COL4A1: variants seen among roughly 807,000 people sequenced by gnomAD.
The protein encoded by COL4A1 is collagen alpha-1(IV) chain.
COL4A1 carries 40 observed loss-of-function variants against 216.6 expected under a neutral mutation model. The ratio of observed to expected loss-of-function variants is 0.18; its 90% CI spans 0.14 to 0.24. COL4A1 has a LOEUF of 0.24. Ranked by LOEUF, COL4A1 falls within the 10% of genes least tolerant of loss-of-function variation. The probability of loss-of-function intolerance (pLI) is 1.00; values close to 1 mark genes in which losing one functional copy is unlikely to be tolerated. For missense variants in COL4A1, 1,628 were observed against 2,196.8 expected (o/e 0.74, Z 5.18); for synonymous variants, 839 against 810.7 (o/e 1.03, Z -0.59).
intron 21 of COL4A1, among the ~76,000 whole-genome samples, chr13:110,195,575 T>C (rs914641045): frequency 6.6e-6 from 1 of 152,230 alleles, no homozygotes; most frequent in Admixed American, 6.5e-5. Flanking sequence ...CTAATCATTA[T>C]TTTAGAGCTG....
rs1330190087 is a variant in COL4A1, at chr13:110,183,078, T to C, written c.2010A>G (p.Gly670=). Residue 670 remains glycine (G), a synonymous_variant, in exon 28 of 52, where the codon GGA becomes GGG. Transcript: ENST00000375820. ...CTGGCAGGCCTGGCCTTCCTGGGGT[T>C]CCGGGAAAGCCTCGGTCTCCTGTGG... is the stretch of plus-strand genomic sequence containing the variant. ...PGPQGDRGFP[G]TPGRPGLPGE... 2 of 1,612,992 alleles carry C rather than the reference T, an allele frequency of 1.2e-6. No individual in the cohort carries two copies. The highest frequency in any genetic ancestry group is 1.7e-6 in the Non-Finnish European group (2 of 1,179,734).
At chr13:110,206,489 G>A (rs768834788) in intron 15 of COL4A1, among the ~76,000 whole-genome samples, 176 bp downstream of exon 15, 4 of 152,224 alleles carry the variant, frequency 2.6e-5, no homozygotes, top group Non-Finnish European at 5.9e-5. Context: ...TCGCCTGCCT[G>A]GGAAGCCTTG....
intron 1 of COL4A1, among the ~76,000 whole-genome samples, chr13:110,301,343 T>TG (rs1274565606): frequency 6.6e-6 from 1 of 152,194 alleles, no homozygotes; most frequent in Admixed American, 6.5e-5. Context: ...CCAAACATGG[T>TG]GGGATGCTTT....
At chr13:110,182,969 C>T in intron 28 of COL4A1, 24 bp downstream of exon 28, 1 of 1,601,262 alleles carries the variant, frequency 6.2e-7, no homozygotes. Context: ...GGACCAAAGG[C>T]TCGGGTCCGT....
At chr13:110,189,661 G>A (rs945880066) in intron 24 of COL4A1, among the ~76,000 whole-genome samples, 5 of 152,224 alleles carry the variant, frequency 3.3e-5, no homozygotes, top group African/African-American at 1.2e-4. Context: ...TTATTTACTT[G>A]AAAGGTGTTT....
intron 1 of COL4A1, among the ~76,000 whole-genome samples, chr13:110,279,453 T>A (rs898977098): frequency 1.3e-5 from 2 of 152,188 alleles, no homozygotes; most frequent in African/African-American, 4.8e-5. Flanking sequence ...AGGAAGATTG[T>A]AAGCTCCTTG....
intron 1 of COL4A1, among the ~76,000 whole-genome samples, chr13:110,261,977 G>A (rs114073985): frequency 0.015 from 2,259 of 152,280 alleles, 50 homozygotes; most frequent in African/African-American, 0.052. Context: ...CTGTGACCGG[G>A]CGGGAAGCTG....
Position 110,249,230 on chromosome 13 carries a change from A to G in COL4A1, c.85-6496T>C, listed in dbSNP as rs531340967. 2.6e-5 allele frequency among the ~76,000 whole-genome samples: 4 copies of G among 152,240 alleles called. No individual in the cohort carries two copies. In the South Asian group the frequency reaches 6.2e-4, roughly 24 times the overall value. ...ACAAGGGAGGTTTCTGGGGTGCAGG[A>G]AACATTCTTTGCTTGTTGCGGGCGG... On this transcript the variant is annotated intron_variant, in intron 1 of 51. Coordinates refer to ENST00000375820, the MANE Select transcript of COL4A1 (RefSeq NM_001845.6).
rs551493583 is a variant in COL4A1 at position 110,162,072 on chromosome 13, T to C, written c.4462+158A>G. The C allele has an allele frequency of 1.3e-4, 95 of 751,588 alleles. 2 individuals are homozygous for C. The highest frequency in any genetic ancestry group is 1.3e-3 in the Admixed American group (69 of 55,076). 46.6% of individuals were successfully genotyped at this position (751,588 alleles called of 1,614,324 possible). A position where few individuals can be genotyped will look rare whatever the true frequency, so the allele number is the denominator to read the frequency against. Reference sequence around the variant, plus strand: ...ATTATTTGTAATCAATGGAGGGAAATGGGGCCGGGCTGCTTTTTCACTGGC... The same window carrying C: ...ATTATTTGTAATCAATGGAGGGAAACGGGGCCGGGCTGCTTTTTCACTGGC... On this transcript the variant is annotated intron_variant, in intron 48 of 51. Transcript: ENST00000375820.
chr13:110,155,174 A>T, intron 50 of COL4A1, 109 bp downstream of exon 50: 2 of 816,280 alleles, frequency 2.5e-6, no homozygotes, highest in Non-Finnish European at 4.3e-6. Context: ...GGAGGGGCTT[A>T]AGCAGCGAGA....
Position 110,173,978 on chromosome 13 carries a change from G to A in COL4A1, c.3427C>T (p.Pro1143Ser). The A allele has an allele frequency of 6.2e-7, 1 of 1,614,124 alleles. No individual in the cohort carries two copies. ...CCTTTCTGGCCAGCTGGGCCTGTGG[G>A]GCCAGGAGTCCCAGGAAGACCTCAA... is the stretch of plus-strand genomic sequence containing the variant. Reference protein sequence around the residue: ...GEAGLPGTPGPTGPAGQKGEP... With the variant: ...GEAGLPGTPGSTGPAGQKGEP... Residue 1143 changes from proline to serine, a missense_variant, in exon 40 of 52, where the codon CCC becomes TCC. This residue lies in a region of COL4A1 where 345 missense variants were observed against 476.9 expected (regional missense o/e 0.72). Coordinates refer to ENST00000375820, the MANE Select transcript of COL4A1 (RefSeq NM_001845.6).
chr13:110,213,635 G>C, intron 4 of COL4A1, 147 bp downstream of exon 4: 1 of 769,198 alleles, frequency 1.3e-6, no homozygotes, highest in Non-Finnish European at 2.3e-6. Flanking sequence ...CTCACTGCCT[G>C]CCTCGCGCCT....
chr13:110,248,648 C>T (rs56294756), intron 1 of COL4A1, among the ~76,000 whole-genome samples: 3,883 of 152,278 alleles, frequency 0.025, 65 homozygotes, highest in Middle Eastern at 0.054. Flanking sequence ...CGGGCCACCA[C>T]GCCAGGATAA....
intron 1 of COL4A1, among the ~76,000 whole-genome samples, chr13:110,306,649 C>T (rs1204458527): frequency 6.6e-6 from 1 of 152,214 alleles, no homozygotes; most frequent in Non-Finnish European, 1.5e-5. Context: ...GGTTCAAATC[C>T]CGCCGGCTCC....
At chr13:110,197,372 G>A (rs888288102) in intron 21 of COL4A1, among the ~76,000 whole-genome samples, 8 of 152,068 alleles carry the variant, frequency 5.3e-5, no homozygotes, top group African/African-American at 1.9e-4. Context: ...TGTCACCACT[G>A]CTAGATCTCT....
At chr13:110,214,080 C>G (rs1359619832) in intron 2 of COL4A1, 65 bp from the exon 3 acceptor site, 1 of 1,326,580 alleles carries the variant, frequency 7.5e-7, no homozygotes, top group Non-Finnish European at 1.1e-6. Flanking sequence ...GAATTGGTGA[C>G]CAACTGTGAT....
At chr13:110,293,992 A>T (rs1396911602) in intron 1 of COL4A1, among the ~76,000 whole-genome samples, 3 of 152,198 alleles carry the variant, frequency 2.0e-5, no homozygotes, top group Non-Finnish European at 2.9e-5. Flanking sequence ...AAACCTGGTA[A>T]GCCTTGGTCC....
intron 2 of COL4A1, among the ~76,000 whole-genome samples, chr13:110,236,677 T>G (rs1045736418): frequency 6.6e-6 from 1 of 152,118 alleles, no homozygotes; most frequent in African/African-American, 2.4e-5. Context: ...AGGAGCTCCT[T>G]GTGGAGCGGA....
At chr13:110,230,973 A>C (rs1194352716) in intron 2 of COL4A1, among the ~76,000 whole-genome samples, 2 of 152,234 alleles carry the variant, frequency 1.3e-5, no homozygotes, top group African/African-American at 4.8e-5. Context: ...ATCAGGAGGC[A>C]GAACCCAACA....
Sources: allele counts gnomAD v4.1 joint callset (sites outside exome capture counted in the v4.1 genomes callset), GRCh38; gene constraint gnomAD v4.1.1; regional missense constraint gnomAD v4.1.1; transcripts MANE v1.5; gene names NCBI Gene and HGNC (gene_info 2026-07-23, HGNC 2026-07-21).